CELSR1: variants seen among roughly 807,000 people sequenced by gnomAD.
The protein encoded by CELSR1 is cadherin EGF LAG seven-pass G-type receptor 1.
A neutral mutation model predicts 249.1 loss-of-function variants in CELSR1; 110 were observed. The ratio of observed to expected loss-of-function variants is 0.44; its 90% CI spans 0.38 to 0.52. The LOEUF (loss-of-function observed/expected upper bound fraction) is 0.52. Ranked by LOEUF, CELSR1 falls within the 20% of genes least tolerant of loss-of-function variation. The pLI, the probability that CELSR1 is intolerant of heterozygous loss-of-function variation, is 0.00. For missense variants in CELSR1, 4,109 were observed against 4,296.4 expected, an observed-to-expected ratio of 0.96 and a Z score of 1.22; for synonymous variants, 2,113 against 1,900.0, an observed-to-expected ratio of 1.11 and a Z score of -2.92.
At position 46,373,061 on chromosome 22, in the gene CELSR1, C is replaced by T. The variant is rs1343477616; in HGVS notation, c.7585-4G>A. 17 of 1,593,088 alleles carry T rather than the reference C, an allele frequency of 1.1e-5. No homozygotes were observed. The highest frequency in any genetic ancestry group is 4.5e-5 in the East Asian group (2 of 44,352). On this transcript the variant is annotated splice_region_variant and splice_polypyrimidine_tract_variant and intron_variant, in intron 24 of 34. Coordinates refer to ENST00000674500, the MANE Select transcript of CELSR1 (RefSeq NM_001378328.1). Reference sequence around the variant, plus strand: ...TGGCAACCACTGTGCACAGAAACTGCGCAGGGAGGGGCCGCTCAGCAAGGG... The same window carrying T: ...TGGCAACCACTGTGCACAGAAACTGTGCAGGGAGGGGCCGCTCAGCAAGGG...
rs570602204 is a variant in CELSR1 at position 46,384,109 on chromosome 22, ATTT to A, written c.6883+431_6883+433del. Among the ~76,000 whole-genome samples, 46 of 151,622 alleles carry A rather than the reference ATTT, an allele frequency of 3.0e-4. 1 individual carries two copies. Among genetic ancestry groups the A allele is most frequent in the African/African-American group, 1.1e-3 (45 of 41,322 alleles). On this transcript the variant is annotated intron_variant, in intron 20 of 34. Coordinates refer to ENST00000674500, the MANE Select transcript of CELSR1 (RefSeq NM_001378328.1). ...GCCACCGCAGCTGGCTATTTTTTGT[ATTT>A]TTTAGTAGAGACGGGGTTTTACCAC... is the stretch of plus-strand genomic sequence containing the variant.
At chr22:46,449,446 A>C (rs2079857946) in intron 2 of CELSR1, among the ~76,000 whole-genome samples, 1 of 150,886 alleles carries the variant, frequency 6.6e-6, no homozygotes, top group South Asian at 2.1e-4. Flanking sequence ...CATCCATCCA[A>C]CCACCCATCA....
chr22:46,394,968 C>A (rs2079132273), intron 13 of CELSR1, among the ~76,000 whole-genome samples: 1 of 152,226 alleles, frequency 6.6e-6, no homozygotes, highest in Non-Finnish European at 1.5e-5. Flanking sequence ...GCGCAGTCAC[C>A]TGAAGGCCCA....
chr22:46,372,468 A>C (rs1362467312), intron 25 of CELSR1, among the ~76,000 whole-genome samples: 2 of 17,842 alleles, frequency 1.1e-4, no homozygotes, highest in South Asian at 2.3e-3. Context: ...CCCCCCATCC[A>C]TCCAGCCACT....
Position 46,380,997 on chromosome 22 carries a change from GAA to G in CELSR1, c.7089-44_7089-43del, listed in dbSNP as rs764146309. ...AGAGCATGGGGACAAACACGGTGAG[GAA>G]ACATCTGCTTAAATCCCGCGCACAA... On this transcript the variant is annotated intron_variant, in intron 21 of 34. Transcript: ENST00000674500. This position sits in a 1 kb window ranked among gnomAD's most constrained non-coding sequence, Gnocchi z 5.1. 7 of 1,594,486 alleles carry G rather than the reference GAA, an allele frequency of 4.4e-6. No homozygotes were observed. In the South Asian group the frequency reaches 7.7e-5, roughly 18 times the overall value.
At position 46,454,155 on chromosome 22, in the gene CELSR1, G is replaced by A. The variant is rs934696493; in HGVS notation, c.4183+9552C>T. ...CAGGGGTCGGAGTGAGGTGAGGAAG[G>A]TGCCAGGGACTAAGGACCAGGTGGC... On this transcript the variant is annotated intron_variant, in intron 2 of 34. Transcript: ENST00000674500. The surrounding 1 kb of genome is among the most constrained non-coding windows in gnomAD (Gnocchi z 5.1). Among the ~76,000 whole-genome samples the A allele has an allele frequency of 2.0e-5, 3 of 152,142 alleles. No homozygotes were observed. The highest frequency in any genetic ancestry group is 4.4e-5 in the Non-Finnish European group (3 of 68,014).
intron 9 of CELSR1, among the ~76,000 whole-genome samples, chr22:46,404,720 C>G (rs1351241660): frequency 1.3e-5 from 2 of 152,290 alleles, no homozygotes; most frequent in East Asian, 3.9e-4. Context: ...AACTCCTGAC[C>G]TCAGGTGATC....
At position 46,381,497 on chromosome 22, in the gene CELSR1, C is replaced by T. The variant is rs1424123930; in HGVS notation, c.7088+349G>A. Among the ~76,000 whole-genome samples, 1 of 152,166 alleles carries T rather than the reference C, an allele frequency of 6.6e-6. No individual in the cohort carries two copies. The highest frequency in any genetic ancestry group is 1.5e-5 in the Non-Finnish European group (1 of 68,024). ...AGCTGAGCAGACCTAACCCCGGGGC[C>T]AGCAGCAGGCACTACCCATGACAGC... On this transcript the variant is annotated intron_variant, in intron 21 of 34. Transcript: ENST00000674500. The surrounding 1 kb of genome is among the most constrained non-coding windows in gnomAD (Gnocchi z 6.0).
At position 46,411,821 on chromosome 22, in the gene CELSR1, C is replaced by T. The variant is rs1044666262; in HGVS notation, c.4612-62G>A. 5 of 1,600,882 alleles carry T rather than the reference C, an allele frequency of 3.1e-6. No homozygotes were observed. The highest frequency in any genetic ancestry group is 3.4e-6 in the Non-Finnish European group (4 of 1,173,452). On this transcript the variant is annotated intron_variant, in intron 5 of 34. Coordinates refer to ENST00000674500, the MANE Select transcript of CELSR1 (RefSeq NM_001378328.1). This position sits in a 1 kb window ranked among gnomAD's most constrained non-coding sequence, Gnocchi z 4.2. ...TCTCCACCAGTGCCCTCAGCAGGCG[C>T]ACCTGTCACTCATAGAGCGAGGAGG...
rs565367540 is a variant in CELSR1 at position 46,398,083 on chromosome 22, C to T, written c.5527-235G>A. Among the ~76,000 whole-genome samples, 11 of 152,158 alleles carry T rather than the reference C, an allele frequency of 7.2e-5. No individual in the cohort carries two copies. Among genetic ancestry groups the T allele is most frequent in the Non-Finnish European group, 1.0e-4 (7 of 67,996 alleles). On this transcript the variant is annotated intron_variant, in intron 11 of 34. Coordinates refer to ENST00000674500, the MANE Select transcript of CELSR1 (RefSeq NM_001378328.1). This position sits in a 1 kb window ranked among gnomAD's most constrained non-coding sequence, Gnocchi z 7.2. Reference sequence around the variant, plus strand: ...CGCCAGCCTGAGCTCCTGGGGTGCGCGGTGGGGGCGTGAGGAGTGGATGTC... The same window carrying T: ...CGCCAGCCTGAGCTCCTGGGGTGCGTGGTGGGGGCGTGAGGAGTGGATGTC...
intron 1 of CELSR1, among the ~76,000 whole-genome samples, chr22:46,482,195 C>T (rs2080273285): frequency 6.6e-6 from 1 of 152,244 alleles, no homozygotes; most frequent in Admixed American, 6.5e-5. Context: ...CCACATGGCA[C>T]AGGGGCACGG....
intron 24 of CELSR1, among the ~76,000 whole-genome samples, chr22:46,375,343 C>A (rs1348409108): frequency 6.6e-6 from 1 of 152,114 alleles, no homozygotes; most frequent in African/African-American, 2.4e-5. Context: ...CCTTCAACTA[C>A]TCATTCTCCC....
chr22:46,391,829 G>T lies in CELSR1; in HGVS notation c.5965-13C>A. 6.2e-7 allele frequency: 1 copy of T among 1,606,878 alleles called. No homozygotes were observed. The highest frequency in any genetic ancestry group is 8.5e-7 in the Non-Finnish European group (1 of 1,178,128). On this transcript the variant is annotated splice_polypyrimidine_tract_variant and intron_variant, in intron 14 of 34. Transcript: ENST00000674500. The surrounding 1 kb of genome is among the most constrained non-coding windows in gnomAD (Gnocchi z 4.3). ...TGTAGTAATTCTCCTGCAAAAGCCAGAGGCAGGGCCTGTGACTTCAGATGC... is the reference window on the plus strand; with the variant it reads ...TGTAGTAATTCTCCTGCAAAAGCCATAGGCAGGGCCTGTGACTTCAGATGC...
In CELSR1 at chr22:46,490,689, T is replaced by C. The variant is rs1602206369; in HGVS notation, c.3545-26344A>G. Among the ~76,000 whole-genome samples the C allele has an allele frequency of 1.3e-5, 2 of 152,046 alleles. No individual in the cohort carries two copies. Among genetic ancestry groups the C allele is most frequent in the African/African-American group, 4.8e-5 (2 of 41,382 alleles). ...TGCAGACTCAGGAAAGTGGTGGGTG[T>C]GCGGGGACACTTTAAAATACCAGAA... On this transcript the variant is annotated intron_variant, in intron 1 of 34. Coordinates refer to ENST00000674500, the MANE Select transcript of CELSR1 (RefSeq NM_001378328.1). The surrounding 1 kb of genome is among the most constrained non-coding windows in gnomAD (Gnocchi z 5.2).
chr22:46,533,321 T>G (rs1487409285), intron 1 of CELSR1, among the ~76,000 whole-genome samples: 1 of 152,186 alleles, frequency 6.6e-6, no homozygotes, highest in Admixed American at 6.5e-5. Context: ...AGGCCACTTT[T>G]TAATAGCTGT....
At chr22:46,450,886 C>A (rs1202098244) in intron 2 of CELSR1, among the ~76,000 whole-genome samples, 1 of 152,210 alleles carries the variant, frequency 6.6e-6, no homozygotes, top group Non-Finnish European at 1.5e-5. Flanking sequence ...AGGAGCATTC[C>A]CCAGCACTAA....
chr22:46,436,548 T>A lies in CELSR1; in HGVS notation c.4407-259A>T, dbSNP rs1466468416. On this transcript the variant is annotated intron_variant, in intron 3 of 34. Transcript: ENST00000674500. The surrounding 1 kb of genome is among the most constrained non-coding windows in gnomAD (Gnocchi z 5.9). Reference sequence around the variant, plus strand: ...TGTAGAATGCAAAAAATATCCCATTTGCACAACATGCTACAAGTACGACCA... The same window carrying A: ...TGTAGAATGCAAAAAATATCCCATTAGCACAACATGCTACAAGTACGACCA... 2.6e-5 allele frequency among the ~76,000 whole-genome samples: 4 copies of A among 152,194 alleles called. No homozygotes were observed. The highest frequency in any genetic ancestry group is 6.5e-5 in the Admixed American group (1 of 15,282).
intron 1 of CELSR1, among the ~76,000 whole-genome samples, chr22:46,510,843 G>A (rs1242385095): frequency 6.6e-6 from 1 of 152,054 alleles, no homozygotes; most frequent in Admixed American, 6.6e-5. Flanking sequence ...CGGGTGCGGT[G>A]GCTCATGCCT....
chr22:46,367,577 A>G lies in CELSR1; in HGVS notation c.8079+152T>C, dbSNP rs2078799925. 3 of 1,086,336 alleles carry G rather than the reference A, an allele frequency of 2.8e-6. No homozygotes were observed. In the Admixed American group the frequency reaches 7.4e-5, roughly 27 times the overall value. 67.3% of individuals were successfully genotyped at this position (1,086,336 alleles called of 1,614,324 possible). On this transcript the variant is annotated intron_variant, in intron 28 of 34. Transcript: ENST00000674500. ...GCACCAGCCCCCGTGCCGGCTGCAC[A>G]AGGGACTGAGTCCTCACAGCCACAG...
Sources: allele counts gnomAD v4.1 joint callset (sites outside exome capture counted in the v4.1 genomes callset), GRCh38; gene constraint gnomAD v4.1.1; non-coding constraint Gnocchi (gnomAD v3.1); transcripts MANE v1.5; gene names NCBI Gene and HGNC (gene_info 2026-07-23, HGNC 2026-07-21).